Variants in SHANK2 observed in about 807,000 individuals in gnomAD.
SHANK2 encodes SH3 and multiple ankyrin repeat domains 2.
Under a neutral mutation model 133.7 loss-of-function variants are expected in SHANK2, and 43 were observed. The observed-to-expected ratio is 0.32, with a 90% CI of 0.25 to 0.41. SHANK2 has a LOEUF of 0.41. Among genes scored for constraint, SHANK2 ranks in the 10% least tolerant of loss-of-function variants. The pLI is 1.00. For synonymous variants in SHANK2, 1,017 were observed against 952.8 expected (o/e 1.07, Z -1.24); for missense variants, 1,994 against 2,235.8 (o/e 0.89, Z 2.18).
At chr11:71,209,408 G>A (rs187906299) in intron 2 of SHANK2, among the ~76,000 whole-genome samples, 23 of 152,316 alleles carry the variant, frequency 1.5e-4, no homozygotes, top group Admixed American at 7.2e-4. Flanking sequence ...AGGGAGCTTC[G>A]GTTCGCAGGA....
At chr11:70,507,714 T>C (rs2059153194) in intron 17 of SHANK2, among the ~76,000 whole-genome samples, 2 of 152,160 alleles carry the variant, frequency 1.3e-5, no homozygotes, top group African/African-American at 4.8e-5. Context: ...AACTCAAACT[T>C]GGGCTTGCAA....
At chr11:70,624,622 G>C (rs920442957) in intron 17 of SHANK2, among the ~76,000 whole-genome samples, 1 of 152,176 alleles carries the variant, frequency 6.6e-6, no homozygotes, top group African/African-American at 2.4e-5. Flanking sequence ...CAAACCCCAG[G>C]GAACCAGAGG....
In SHANK2 at chr11:70,469,311, C is replaced by A. The variant is rs1296186802; in HGVS notation, c.*3558G>T. ...ACTCGATGAGAGAGATTTTTCTGGT[C>A]AGTTTTAGAGAGGCAGAGCTGGCCA... On this transcript the variant is annotated 3_prime_UTR_variant, in exon 26 of 26. Coordinates refer to ENST00000601538, the MANE Select transcript of SHANK2 (RefSeq NM_012309.5). 2 of 152,564 alleles carry A rather than the reference C, an allele frequency of 1.3e-5. No individual in the cohort carries two copies. The highest frequency in any genetic ancestry group is 4.8e-5 in the African/African-American group (2 of 41,450). The allele number at this position is 152,564 out of a possible 1,614,324, so 9.5% of individuals were successfully genotyped here.
intron 17 of SHANK2, among the ~76,000 whole-genome samples, chr11:70,548,458 G>A (rs571632963): frequency 1.3e-5 from 2 of 152,294 alleles, no homozygotes; most frequent in East Asian, 1.9e-4. Context: ...CCCGTCTCCC[G>A]CTGGGCTCCG....
intron 15 of SHANK2, among the ~76,000 whole-genome samples, chr11:70,665,722 C>A (rs1051959046): frequency 4.6e-5 from 7 of 152,182 alleles, no homozygotes; most frequent in Non-Finnish European, 7.3e-5. Context: ...AATTTCCTGA[C>A]CTGCAAAGTT....
chr11:71,157,632 GGC>G (rs1555109296), intron 2 of SHANK2, among the ~76,000 whole-genome samples: 1 of 152,166 alleles, frequency 6.6e-6, no homozygotes, highest in Non-Finnish European at 1.5e-5. Context: ...TTTCTGTCCA[GGC>G]TGCTGTAAAG....
rs1555005334 is a variant in SHANK2 at position 70,639,023 on chromosome 11, A to AC, written c.2061+20804dup. 1.2e-3 allele frequency among the ~76,000 whole-genome samples: 185 copies of AC among 151,766 alleles called. No individual in the cohort carries two copies. The East Asian group carries it at 0.013, about 11-fold the overall frequency. The stretch of plus-strand genomic sequence containing the variant: ...AAAAAAACAAAAAAACAAAAAAAAA[A>AC]CAAAAAAAACATTGAGAGTCCATGG... On this transcript the variant is annotated intron_variant, in intron 17 of 25. Coordinates refer to ENST00000601538, the MANE Select transcript of SHANK2 (RefSeq NM_012309.5).
chr11:70,502,102 G>T lies in SHANK2; in HGVS notation c.2278+104C>A. 10 of 1,356,550 alleles carry T rather than the reference G, an allele frequency of 7.4e-6. 1 individual carries two copies. The South Asian group carries it at 1.3e-4, about 17-fold the overall frequency. 84.0% of individuals were successfully genotyped at this position (1,356,550 alleles called of 1,614,324 possible). On this transcript the variant is annotated intron_variant, in intron 19 of 25. Transcript: ENST00000601538. ...CGTCTGGGTACAGGGGCAGGAGGGGGGTAGCGAGCAAGCGTGGGGTCATGC... is the reference window on the plus strand; with the variant it reads ...CGTCTGGGTACAGGGGCAGGAGGGGTGTAGCGAGCAAGCGTGGGGTCATGC...
chr11:70,478,233 A>G (rs1028579170), intron 25 of SHANK2, among the ~76,000 whole-genome samples: 5 of 151,860 alleles, frequency 3.3e-5, no homozygotes, highest in Non-Finnish European at 7.4e-5. Flanking sequence ...TGCAGCCTCA[A>G]CCTCCTCAAG....
At chr11:71,240,542 C>A (rs1476188358) in intron 1 of SHANK2, among the ~76,000 whole-genome samples, 1 of 152,160 alleles carries the variant, frequency 6.6e-6, no homozygotes, top group East Asian at 1.9e-4. Flanking sequence ...AGACCCCAGC[C>A]CCTAGAGAAT....
intron 12 of SHANK2, among the ~76,000 whole-genome samples, chr11:70,813,245 C>A (rs941055707): frequency 3.3e-5 from 5 of 152,028 alleles, no homozygotes; most frequent in African/African-American, 7.2e-5. Flanking sequence ...TCCACAGGGC[C>A]TACCCACAAA....
intron 3 of SHANK2, among the ~76,000 whole-genome samples, chr11:71,133,468 GGAGA>G (rs1952372316): frequency 6.6e-6 from 1 of 151,376 alleles, no homozygotes; most frequent in Non-Finnish European, 1.5e-5. Context: ...AGGGAGGGAG[GGAGA>G]GAGAGACAGA....
At position 70,687,890 on chromosome 11, in the gene SHANK2, C is replaced by A. The variant is rs542557003; in HGVS notation, c.1853+10798G>T. Among the ~76,000 whole-genome samples the A allele has an allele frequency of 4.6e-5, 7 of 152,280 alleles. No homozygotes were observed. The East Asian group carries it at 1.4e-3, about 29-fold the overall frequency. ...CTGCTGCTGCTCCGATGGCCCCACC[C>A]ACCACCGGTGTCCCCACCATCCACC... On this transcript the variant is annotated intron_variant, in intron 15 of 25. Coordinates refer to ENST00000601538, the MANE Select transcript of SHANK2 (RefSeq NM_012309.5).
intron 2 of SHANK2, among the ~76,000 whole-genome samples, chr11:71,189,607 C>T (rs1379486641): frequency 6.6e-6 from 1 of 152,166 alleles, no homozygotes; most frequent in African/African-American, 2.4e-5. Flanking sequence ...TCCATGTTGC[C>T]CAGGCTGGTC....
intron 14 of SHANK2, among the ~76,000 whole-genome samples, chr11:70,731,407 C>A (rs782650374): frequency 2.0e-5 from 3 of 152,222 alleles, no homozygotes; most frequent in Admixed American, 6.5e-5. Context: ...ACATACTCCC[C>A]GCTCCTTCTC....
At chr11:70,955,568 T>C (rs935580790) in intron 10 of SHANK2, among the ~76,000 whole-genome samples, 3 of 152,096 alleles carry the variant, frequency 2.0e-5, no homozygotes, top group Admixed American at 6.6e-5. Flanking sequence ...TGTGTACACA[T>C]GCAAAGAGAT....
intron 11 of SHANK2, among the ~76,000 whole-genome samples, chr11:70,867,582 C>T (rs553630674): frequency 3.3e-5 from 5 of 152,312 alleles, no homozygotes; most frequent in Non-Finnish European, 5.9e-5. Flanking sequence ...GCCACCGGCT[C>T]GTGAATGTGG....
rs1220253597 is a variant in SHANK2, at chr11:71,124,531, T to G, written c.208-5499A>C. ...GTGGATATTATTATTACTTTTTGTATAATATTATTATTACTGTTTATATAA... is the reference window on the plus strand; with the variant it reads ...GTGGATATTATTATTACTTTTTGTAGAATATTATTATTACTGTTTATATAA... On this transcript the variant is annotated intron_variant, in intron 3 of 25. Coordinates refer to ENST00000601538, the MANE Select transcript of SHANK2 (RefSeq NM_012309.5). Among the ~76,000 whole-genome samples, 4 of 152,086 alleles carry G rather than the reference T, an allele frequency of 2.6e-5. No homozygotes were observed. In the South Asian group the frequency reaches 6.2e-4, roughly 24 times the overall value.
chr11:71,147,061 G>T, intron 3 of SHANK2, 59 bp downstream of exon 3: 2 of 1,428,752 alleles, frequency 1.4e-6, no homozygotes, highest in Non-Finnish European at 1.9e-6. Context: ...GGCCTCTGGC[G>T]TTCAAGCCAC....
Sources: gnomAD v4.1 joint callset for allele counts (sites outside exome capture counted in the v4.1 genomes callset) on GRCh38, gnomAD v4.1.1 for gene constraint, MANE v1.5 for transcripts, NCBI Gene and HGNC (gene_info 2026-07-23, HGNC 2026-07-21) for gene names.